The following JADE3 variants were observed in gnomAD, a reference collection of about 807,000 sequenced individuals.
The protein encoded by JADE3 is protein Jade-3.
A neutral mutation model predicts 50.1 loss-of-function variants in JADE3; 2 were observed. The observed-to-expected ratio is 0.04, with a 90% CI of 0.02 to 0.13. The LOEUF is 0.13. Among genes scored for constraint, JADE3 ranks in the 10% least tolerant of loss-of-function variants. JADE3 has a pLI of 1.00. For synonymous variants in JADE3, 218 were observed against 232.9 expected, an observed-to-expected ratio of 0.94 and a Z score of 0.58; for missense variants, 475 against 634.4, an observed-to-expected ratio of 0.75 and a Z score of 2.70.
intron 4 of JADE3, among the ~76,000 whole-genome samples, chrX:47,024,103 G>A (rs1463967169): frequency 5.4e-5 from 6 of 112,094 alleles, no homozygotes; most frequent in African/African-American, 1.6e-4. Flanking sequence ...CCTTTGTGCA[G>A]ATATCGCCCC....
chrX:46,920,986 G>A (rs1414026083), intron 1 of JADE3, among the ~76,000 whole-genome samples: 4 of 111,684 alleles, frequency 3.6e-5, no homozygotes, highest in Non-Finnish European at 7.5e-5. Flanking sequence ...CACTGTATTG[G>A]CCAGGCTAGT....
chrX:46,949,025 C>G (rs1926944691), intron 1 of JADE3, among the ~76,000 whole-genome samples: 1 of 111,328 alleles, frequency 9.0e-6, no homozygotes. Flanking sequence ...CCTTGACTCA[C>G]TGGACTTAAG....
rs887769761 is a variant in JADE3 at position 47,054,993 on chromosome X, T to C, written c.1443+365T>C. 2.7e-5 allele frequency among the ~76,000 whole-genome samples: 3 copies of C among 111,395 alleles called. No individual in the cohort carries two copies. In the East Asian group the frequency reaches 8.4e-4, roughly 31 times the overall value. On this transcript the variant is annotated intron_variant, in intron 9 of 10. Transcript: ENST00000614628. ...GTTCAGGAAAACACCAAATTAGAGT[T>C]TCACAAACTTGGCACTGTTGACATT... is the stretch of plus-strand genomic sequence containing the variant.
intron 1 of JADE3, among the ~76,000 whole-genome samples, chrX:46,959,737 T>C: frequency 9.2e-6 from 1 of 108,626 alleles, no homozygotes; most frequent in South Asian, 4.2e-4. Context: ...GTATTGGAGG[T>C]AGAAAGGAAC....
At chrX:46,918,339 T>TA (rs1286636693) in intron 1 of JADE3, among the ~76,000 whole-genome samples, 3 of 112,316 alleles carry the variant, frequency 2.7e-5, no homozygotes, top group African/African-American at 9.7e-5. Flanking sequence ...CTTCAGTGAC[T>TA]AAATGGAAAT....
At position 46,980,082 on chromosome X, in the gene JADE3, G is replaced by A. The variant is rs782441133; in HGVS notation, c.-11-4802G>A. On this transcript the variant is annotated intron_variant, in intron 1 of 10. Transcript: ENST00000614628. ...TTTAGTACAGACGGGGTTTCACCATGTTGGCCAGGCTGGTCTCGAACTCCT... is the reference window on the plus strand; with the variant it reads ...TTTAGTACAGACGGGGTTTCACCATATTGGCCAGGCTGGTCTCGAACTCCT... Among the ~76,000 whole-genome samples, 140 of 108,622 alleles carry A rather than the reference G, an allele frequency of 1.3e-3. 1 individual carries two copies. Among genetic ancestry groups the A allele is most frequent in the African/African-American group, 4.6e-3 (138 of 29,877 alleles). The allele number at this position is 108,622 out of a possible 115,157, so 94.3% of individuals were successfully genotyped here. A position where few individuals can be genotyped will look rare whatever the true frequency, so the allele number is the denominator to read the frequency against.
intron 1 of JADE3, among the ~76,000 whole-genome samples, chrX:46,967,574 C>T (rs1415488913): frequency 9.0e-6 from 1 of 111,407 alleles, no homozygotes; most frequent in Admixed American, 9.6e-5. Context: ...TGATCTCTTT[C>T]GTTAACATTT....
rs189822545 is a variant in JADE3 at position 46,982,783 on chromosome X, A to G, written c.-11-2101A>G. Among the ~76,000 whole-genome samples, 192 of 110,591 alleles carry G rather than the reference A, an allele frequency of 1.7e-3. 4 individuals are homozygous for G. In the South Asian group the frequency reaches 0.064, roughly 37 times the overall value. ...TCCTTGGCTGTCTCTTTACTTGACC[A>G]CACCATGCTGTTATGGTCTACTAAT... On this transcript the variant is annotated intron_variant, in intron 1 of 10. Coordinates refer to ENST00000614628, the MANE Select transcript of JADE3 (RefSeq NM_014735.5).
intron 9 of JADE3, among the ~76,000 whole-genome samples, chrX:47,055,093 C>G (rs1370185791): frequency 8.1e-5 from 9 of 110,553 alleles, no homozygotes; most frequent in Non-Finnish European, 1.5e-4. Flanking sequence ...TACCAGCATC[C>G]CTGGCCTCTA....
At chrX:46,927,168 T>A (rs1454581037) in intron 1 of JADE3, among the ~76,000 whole-genome samples, 1 of 112,181 alleles carries the variant, frequency 8.9e-6, no homozygotes, top group Non-Finnish European at 1.9e-5. Flanking sequence ...CAGTTTAACC[T>A]CTTTGTGCCT....
chrX:46,954,409 T>C (rs1927070815), intron 1 of JADE3, among the ~76,000 whole-genome samples: 1 of 112,451 alleles, frequency 8.9e-6, no homozygotes, highest in Non-Finnish European at 1.9e-5. Flanking sequence ...TTTATGAAAG[T>C]ATTTCCTATT....
intron 1 of JADE3, among the ~76,000 whole-genome samples, chrX:46,972,659 G>T (rs1026140092): frequency 9.0e-6 from 1 of 111,394 alleles, no homozygotes; most frequent in Non-Finnish European, 1.9e-5. Flanking sequence ...GAGTGCAGTG[G>T]CACGATCTCG....
chrX:47,041,553 AT>A (rs1294894345), intron 8 of JADE3, among the ~76,000 whole-genome samples: 8 of 107,600 alleles, frequency 7.4e-5, no homozygotes, highest in Admixed American at 3.0e-4. Context: ...CATTTAAAAA[AT>A]TTTTTTTTTG....
At chrX:47,003,828 TTA>T (rs1928348115) in intron 4 of JADE3, among the ~76,000 whole-genome samples, 1 of 101,469 alleles carries the variant, frequency 9.9e-6, no homozygotes, top group South Asian at 3.9e-4. Context: ...AATTATAAAT[TTA>T]TATATATTTA....
intron 9 of JADE3, among the ~76,000 whole-genome samples, chrX:47,055,646 A>AG (rs1185002033): frequency 8.9e-6 from 1 of 111,782 alleles, no homozygotes; most frequent in Non-Finnish European, 1.9e-5. Flanking sequence ...TGAAAGTGTG[A>AG]GCAAAAAAAA....
At chrX:46,949,359 T>G (rs1371835568) in intron 1 of JADE3, among the ~76,000 whole-genome samples, 2 of 112,029 alleles carry the variant, frequency 1.8e-5, no homozygotes, top group Non-Finnish European at 3.8e-5. Context: ...ATTTCTGTTG[T>G]ATATATAATT....
chrX:46,986,304 T>C (rs1176962360), intron 3 of JADE3, among the ~76,000 whole-genome samples: 3 of 112,891 alleles, frequency 2.7e-5, no homozygotes, highest in African/African-American at 9.7e-5. Context: ...AATCTGAAGA[T>C]GTGAAGAATA....
chrX:47,002,781 C>T lies in JADE3; in HGVS notation c.284+4504C>T, dbSNP rs1380934032. 3.7e-5 allele frequency among the ~76,000 whole-genome samples: 4 copies of T among 109,535 alleles called. No individual in the cohort carries two copies. In the Admixed American group the frequency reaches 3.9e-4, roughly 11 times the overall value. On this transcript the variant is annotated intron_variant, in intron 4 of 10. Coordinates refer to ENST00000614628, the MANE Select transcript of JADE3 (RefSeq NM_014735.5). The stretch of plus-strand genomic sequence containing the variant: ...TATTTCTTCCTTTCCAATCTGTTTA[C>T]TTTTTATTTCTTTTCTTGCCTTATT...
chrX:47,027,851 G>C (rs782275701), intron 5 of JADE3, 41 bp from the exon 6 acceptor site: 5 of 1,122,328 alleles, frequency 4.5e-6, no homozygotes, highest in Non-Finnish European at 6.1e-6. Context: ...GGGAATGACA[G>C]CTGACTGATG....
Sources: allele counts gnomAD v4.1 joint callset (sites outside exome capture counted in the v4.1 genomes callset), GRCh38; gene constraint gnomAD v4.1.1; transcripts MANE v1.5; gene names NCBI Gene and HGNC (gene_info 2026-07-23, HGNC 2026-07-21).